Variants in OR2L13 observed in about 807,000 individuals in gnomAD.
OR2L13 encodes olfactory receptor family 2 subfamily L member 13.
OR2L13 carries 14 observed loss-of-function variants against 15.3 expected under a neutral mutation model. The ratio of observed to expected loss-of-function variants is 0.91; its 90% CI spans 0.60 to 1.43. The LOEUF (loss-of-function observed/expected upper bound fraction) is 1.43, where lower values mean the gene tolerates loss of function less well. Among genes scored for constraint, OR2L13 ranks in the 40% most tolerant of loss-of-function variants. The pLI is 0.00. For synonymous variants in OR2L13, 152 were observed against 142.9 expected (o/e 1.06, Z -0.45); for missense variants, 367 against 387.9 (o/e 0.95, Z 0.45).
the OR2L13 span, among the ~76,000 whole-genome samples, chr1:248,028,661 T>G: frequency 6.6e-6 from 1 of 152,214 alleles, no homozygotes; most frequent in Non-Finnish European, 1.5e-5. Context: ...TGCAGAAGTG[T>G]GAAATAGTCA....
the OR2L13 span, among the ~76,000 whole-genome samples, chr1:248,074,927 G>A: frequency 6.6e-6 from 1 of 152,102 alleles, no homozygotes. Flanking sequence ...CAATGTGCAG[G>A]TTTGATACAT....
At chr1:247,966,351 C>A in the OR2L13 span, 2 of 1,594,356 alleles carry the variant, frequency 1.3e-6, no homozygotes, top group Non-Finnish European at 1.7e-6. Context: ...TGAGCATTAA[C>A]AACATAAAAA....
chr1:247,949,653 T>A, the OR2L13 span: 1 of 1,613,934 alleles, frequency 6.2e-7, no homozygotes, highest in Non-Finnish European at 8.5e-7. Flanking sequence ...ATCCCTGCGA[T>A]CTCCAACAGA....
chr1:248,030,589 G>T, the OR2L13 span, among the ~76,000 whole-genome samples: 6 of 152,092 alleles, frequency 3.9e-5, no homozygotes, highest in Admixed American at 6.6e-5. Context: ...GTACCTACTT[G>T]GTTGGTGTTT....
At chr1:248,073,048 C>A in the OR2L13 span, among the ~76,000 whole-genome samples, 2 of 151,458 alleles carry the variant, frequency 1.3e-5, no homozygotes, top group African/African-American at 4.9e-5. Context: ...CTAGTTCAAC[C>A]ATTGTGGAAG....
At chr1:248,078,265 G>C in the OR2L13 span, among the ~76,000 whole-genome samples, 2 of 152,032 alleles carry the variant, frequency 1.3e-5, no homozygotes, top group African/African-American at 4.8e-5. Context: ...GGTGGATCAC[G>C]AGGTCAGGAG....
the OR2L13 span, among the ~76,000 whole-genome samples, chr1:247,966,971 A>T: frequency 6.6e-6 from 1 of 151,954 alleles, no homozygotes; most frequent in Non-Finnish European, 1.5e-5. Context: ...TGAAACAAAG[A>T]CAGGAGTATC....
the OR2L13 span, chr1:248,083,505 A>T: frequency 1.3e-6 from 1 of 757,352 alleles, no homozygotes; most frequent in South Asian, 1.8e-5. Flanking sequence ...AGCTCACTTC[A>T]TTCTTAAAAA....
At chr1:248,029,201 G>A in the OR2L13 span, 1 of 152,020 alleles carries the variant, frequency 6.6e-6, no homozygotes, top group South Asian at 2.1e-4. Flanking sequence ...CACTCCCACT[G>A]CTTCATCTGA....
chr1:248,002,520 G>A, the OR2L13 span, among the ~76,000 whole-genome samples: 1 of 152,162 alleles, frequency 6.6e-6, no homozygotes, highest in African/African-American at 2.4e-5. Flanking sequence ...ATGTATTCAA[G>A]CTTCATCCAT....
chr1:248,085,698 CTGTTT>C, the OR2L13 span, among the ~76,000 whole-genome samples: 1 of 152,060 alleles, frequency 6.6e-6, no homozygotes, highest in Non-Finnish European at 1.5e-5. Context: ...TATAACATTT[CTGTTT>C]TGTTTTGTTT....
At chr1:248,038,673 A>G in the OR2L13 span, 1 of 1,614,166 alleles carries the variant, frequency 6.2e-7, no homozygotes, top group Admixed American at 1.7e-5. Context: ...CATCCGTATA[A>G]GCAAAAGAGT....
At chr1:248,052,163 T>C in the OR2L13 span, among the ~76,000 whole-genome samples, 1 of 152,356 alleles carries the variant, frequency 6.6e-6, no homozygotes, top group South Asian at 2.1e-4. Context: ...TTTTATCTCT[T>C]GCATTTAGGA....
At chr1:247,964,357 T>A in the OR2L13 span, among the ~76,000 whole-genome samples, 1 of 152,182 alleles carries the variant, frequency 6.6e-6, no homozygotes, top group Admixed American at 6.5e-5. Context: ...TGTGCAAAGC[T>A]CTAATTGATT....
At chr1:248,047,261 A>C in the OR2L13 span, among the ~76,000 whole-genome samples, 6 of 152,072 alleles carry the variant, frequency 3.9e-5, no homozygotes, top group African/African-American at 1.4e-4. Flanking sequence ...TTTTGGTTTG[A>C]TTTCTTTTGC....
chr1:247,939,138 C>T, the OR2L13 span: 1 of 152,018 alleles, frequency 6.6e-6, no homozygotes, highest in African/African-American at 2.4e-5. Context: ...CTAAGTAAAT[C>T]GATTCTGCTT....
chr1:247,973,304 A>G, the OR2L13 span, among the ~76,000 whole-genome samples: 1 of 152,150 alleles, frequency 6.6e-6, no homozygotes, highest in Non-Finnish European at 1.5e-5. Context: ...AAAGAAATAA[A>G]GGATATTCAA....
At chr1:247,946,250 CATAT>C in the OR2L13 span, among the ~76,000 whole-genome samples, 1 of 152,142 alleles carries the variant, frequency 6.6e-6, no homozygotes, top group African/African-American at 2.4e-5. Context: ...AAGTTTTCTA[CATAT>C]ATAATTATGT....
At chr1:248,099,551 A>T in exon 3 of OR2L13, 1 of 1,614,008 alleles carries the variant, frequency 6.2e-7, no homozygotes, top group South Asian at 1.1e-5. Context: ...ACACCGATGT[A>T]CTTTCTTCTC....
Sources: allele counts gnomAD v4.1 joint callset (sites outside exome capture counted in the v4.1 genomes callset), GRCh38; gene constraint gnomAD v4.1.1; transcripts MANE v1.5; gene names NCBI Gene and HGNC (gene_info 2026-07-23, HGNC 2026-07-21).